Variants in SLC25A30 observed in about 807,000 individuals in gnomAD.
SLC25A30 encodes the protein kidney mitochondrial carrier protein 1.
SLC25A30 carries 29 observed loss-of-function variants against 42.7 expected under a neutral mutation model. The observed-to-expected ratio is 0.68, with a 90% confidence interval of 0.51 to 0.93. The LOEUF is 0.93. Ranked by LOEUF, SLC25A30 falls within the 40% of genes least tolerant of loss-of-function variation. The pLI, the probability that SLC25A30 is intolerant of heterozygous loss-of-function variation, is 0.00. For synonymous variants in SLC25A30, 124 were observed against 131.0 expected (o/e 0.95, Z 0.37); for missense variants, 300 against 359.7 (o/e 0.83, Z 1.34).
rs574715744 is a variant in SLC25A30 at position 45,394,380 on chromosome 13, T to C, written c.*1594A>G. 15 of 985,166 alleles carry C rather than the reference T, an allele frequency of 1.5e-5. No individual in the cohort carries two copies. In the African/African-American group the frequency reaches 2.6e-4, roughly 17 times the overall value. The allele number at this position is 985,166 out of a possible 1,614,324, so 61.0% of individuals were successfully genotyped here. A position where few individuals can be genotyped will look rare whatever the true frequency, so the allele number is the denominator to read the frequency against. ...GAAAAATGCCTGCGAGGAAAAATTATCTCATCCTCCAAAAAAACCTGCAGT... is the reference window on the plus strand; with the variant it reads ...GAAAAATGCCTGCGAGGAAAAATTACCTCATCCTCCAAAAAAACCTGCAGT... On this transcript the variant is annotated 3_prime_UTR_variant, in exon 10 of 10. Transcript: ENST00000519676.
intron 3 of SLC25A30, 62 bp from the exon 4 acceptor site, chr13:45,406,039 A>G (rs900960516): frequency 1.4e-4 from 214 of 1,477,790 alleles, no homozygotes; most frequent in Non-Finnish European, 2.0e-4. Flanking sequence ...TCGGCTAGGC[A>G]ACCCACATGC....
upstream of SLC25A30, among the ~76,000 whole-genome samples, chr13:45,418,956 A>C (rs1366899403): frequency 2.0e-4 from 14 of 71,274 alleles, no homozygotes; most frequent in Non-Finnish European, 3.6e-4. Flanking sequence ...AAAAAAAAAA[A>C]AAAAAAAAAA....
At chr13:45,428,648 G>T in the SLC25A30 span, among the ~76,000 whole-genome samples, 2 of 148,834 alleles carry the variant, frequency 1.3e-5, no homozygotes, top group African/African-American at 2.5e-5. Context: ...TCAGCCTCCT[G>T]AGTAGCTGGG....
chr13:45,422,432 C>T (rs774272066), upstream of SLC25A30, among the ~76,000 whole-genome samples: 1 of 152,136 alleles, frequency 6.6e-6, no homozygotes, highest in African/African-American at 2.4e-5. Flanking sequence ...AAGAAGAACA[C>T]CTGGATAGGC....
chr13:45,393,901 G>A lies in SLC25A30; in HGVS notation c.*2073C>T. 3 of 985,344 alleles carry A rather than the reference G, an allele frequency of 3.0e-6. No individual in the cohort carries two copies. Among genetic ancestry groups the A allele is most frequent in the Non-Finnish European group, 3.6e-6 (3 of 829,910 alleles). 61.0% of individuals were successfully genotyped at this position (985,344 alleles called of 1,614,324 possible). On this transcript the variant is annotated 3_prime_UTR_variant, in exon 10 of 10. Transcript: ENST00000519676. ...GAATAAACTGGTAATAATACTGTCT[G>A]ACATTCGCTCTTTACATGGTCATTA...
In SLC25A30 at chr13:45,400,736, ATCCTCCT is replaced by A. The variant is rs1160880116; in HGVS notation, c.614+340_614+346del. Among the ~76,000 whole-genome samples the A allele has an allele frequency of 3.3e-5, 5 of 152,074 alleles. No individual in the cohort carries two copies. In the East Asian group the frequency reaches 9.7e-4, roughly 29 times the overall value. ...GGTCTTGAATTCCTAGGCTCAAGTG[ATCCTCCT>A]GCCTCGGCCTTCCAAAGTCCTAAGA... On this transcript the variant is annotated intron_variant, in intron 7 of 9. Coordinates refer to ENST00000519676, the MANE Select transcript of SLC25A30 (RefSeq NM_001010875.4).
At chr13:45,418,001 G>A (rs371669934) in intron 1 of SLC25A30, among the ~76,000 whole-genome samples, 18 of 152,298 alleles carry the variant, frequency 1.2e-4, no homozygotes, top group African/African-American at 3.4e-4. Flanking sequence ...CTTCGCACTC[G>A]GATCTGAATG....
chr13:45,400,033 T>TATATATACACACACAC (rs571184813), intron 7 of SLC25A30, among the ~76,000 whole-genome samples: 4 of 122,988 alleles, frequency 3.3e-5, no homozygotes, highest in Non-Finnish European at 5.0e-5. Context: ...TATATATATA[T>TATATATACACACACAC]ACACACACAC....
At chr13:45,414,615 C>T (rs9534144) in intron 1 of SLC25A30, among the ~76,000 whole-genome samples, 1 of 143,696 alleles carries the variant, frequency 7.0e-6, no homozygotes, top group Non-Finnish European at 1.5e-5. Context: ...GAAACTTTGT[C>T]TCAAACACAC....
chr13:45,425,538 G>GCA, the SLC25A30 span, among the ~76,000 whole-genome samples: 1 of 46,928 alleles, frequency 2.1e-5, no homozygotes, highest in African/African-American at 9.3e-5. Flanking sequence ...ATATGTATAA[G>GCA]TATATATATA....
chr13:45,395,632 A>G lies in SLC25A30; in HGVS notation c.*342T>C. 8.5e-7 allele frequency: 1 copy of G among 1,178,080 alleles called. No homozygotes were observed. The highest frequency in any genetic ancestry group is 1.1e-6 in the Non-Finnish European group (1 of 939,914). 73.0% of individuals were successfully genotyped at this position (1,178,080 alleles called of 1,614,324 possible). ...GTCTGATTCTCAGTCATGAGCTGAGATGCATCAGGAGCTACTCTCCCTGAA... is the reference window on the plus strand; with the variant it reads ...GTCTGATTCTCAGTCATGAGCTGAGGTGCATCAGGAGCTACTCTCCCTGAA... On this transcript the variant is annotated 3_prime_UTR_variant, in exon 10 of 10. Coordinates refer to ENST00000519676, the MANE Select transcript of SLC25A30 (RefSeq NM_001010875.4).
the SLC25A30 span, among the ~76,000 whole-genome samples, chr13:45,424,864 A>G: frequency 2.5e-5 from 1 of 39,288 alleles, no homozygotes; most frequent in South Asian, 6.2e-4. Context: ...ATATATATAA[A>G]AATATATATA....
intron 1 of SLC25A30, among the ~76,000 whole-genome samples, chr13:45,415,233 G>A (rs1263484287): frequency 6.6e-6 from 1 of 152,072 alleles, no homozygotes; most frequent in African/African-American, 2.4e-5. Flanking sequence ...TAAGCAAACA[G>A]CCTCAGAGAA....
intron 5 of SLC25A30, among the ~76,000 whole-genome samples, chr13:45,403,229 C>T (rs898994237): frequency 3.3e-5 from 5 of 152,198 alleles, no homozygotes; most frequent in East Asian, 1.9e-4. Flanking sequence ...TCCTTACCCA[C>T]GAGGTCCCTT....
chr13:45,425,146 A>G, the SLC25A30 span, among the ~76,000 whole-genome samples: 8 of 90,896 alleles, frequency 8.8e-5, 2 homozygotes, highest in Admixed American at 1.9e-4. Context: ...AAATATATAT[A>G]AATATATTGA....
the SLC25A30 span, among the ~76,000 whole-genome samples, chr13:45,424,055 A>G: frequency 1.9e-5 from 2 of 105,740 alleles, no homozygotes; most frequent in African/African-American, 4.0e-5. Context: ...ATATAAATCT[A>G]TAAAAATATA....
At chr13:45,410,834 T>G (rs761000830) in intron 2 of SLC25A30, among the ~76,000 whole-genome samples, 1 of 152,148 alleles carries the variant, frequency 6.6e-6, no homozygotes, top group Non-Finnish European at 1.5e-5. Context: ...TTTAAAAAAC[T>G]TGTGTTTGGT....
At chr13:45,430,909 T>C in the SLC25A30 span, among the ~76,000 whole-genome samples, 2 of 152,274 alleles carry the variant, frequency 1.3e-5, no homozygotes, top group African/African-American at 2.4e-5. Flanking sequence ...TCATTCTCTC[T>C]ATGAATCTCT....
At position 45,395,605 on chromosome 13, in the gene SLC25A30, C is replaced by A; in HGVS notation, c.*369G>T. The A allele has an allele frequency of 8.8e-7, 1 of 1,131,066 alleles. No homozygotes were observed. The allele number at this position is 1,131,066 out of a possible 1,614,324, so 70.1% of individuals were successfully genotyped here. A position where few individuals can be genotyped will look rare whatever the true frequency, so the allele number is the denominator to read the frequency against. Reference sequence around the variant, plus strand: ...ATGGTTCCAGTGAGCTTTTCTAGAGCAGTCTGATTCTCAGTCATGAGCTGA... The same window carrying A: ...ATGGTTCCAGTGAGCTTTTCTAGAGAAGTCTGATTCTCAGTCATGAGCTGA... On this transcript the variant is annotated 3_prime_UTR_variant, in exon 10 of 10. Coordinates refer to ENST00000519676, the MANE Select transcript of SLC25A30 (RefSeq NM_001010875.4).
Sources: gnomAD v4.1 joint callset for allele counts (sites outside exome capture counted in the v4.1 genomes callset) on GRCh38, gnomAD v4.1.1 for gene constraint, MANE v1.5 for transcripts, NCBI Gene and HGNC (gene_info 2026-07-23, HGNC 2026-07-21) for gene names.